The following GPHN variants were observed in gnomAD, a reference collection of about 807,000 sequenced individuals.
GPHN encodes gephyrin.
A neutral mutation model predicts 95.5 loss-of-function variants in GPHN; 17 were observed. The ratio of observed to expected loss-of-function variants is 0.18; its 90% CI spans 0.12 to 0.27. GPHN has a LOEUF of 0.27. Among genes scored for constraint, GPHN ranks in the 10% least tolerant of loss-of-function variants. The pLI is 1.00. For synonymous variants in GPHN, 320 were observed against 322.5 expected (o/e 0.99, Z 0.08); for missense variants, 660 against 978.1 (o/e 0.67, Z 4.34).
intron 1 of GPHN, among the ~76,000 whole-genome samples, chr14:66,604,362 A>G (rs972147268): frequency 6.6e-6 from 1 of 152,146 alleles, no homozygotes; most frequent in African/African-American, 2.4e-5. Flanking sequence ...TGAAAAATAT[A>G]CTATATAGAA....
chr14:66,558,199 C>T (rs1157174755), intron 1 of GPHN, among the ~76,000 whole-genome samples: 2 of 151,976 alleles, frequency 1.3e-5, no homozygotes, highest in South Asian at 4.1e-4. Context: ...GGCTAGTAAG[C>T]GTCAGTGTAT....
chr14:66,880,071 G>C (rs994348438), intron 5 of GPHN, 38 bp downstream of exon 5: 12 of 1,234,694 alleles, frequency 9.7e-6, no homozygotes, highest in Non-Finnish European at 1.4e-5. Context: ...CCATTTGCTA[G>C]GTGAACTGTT....
chr14:67,630,880 G>A, the GPHN span, among the ~76,000 whole-genome samples: 29 of 152,160 alleles, frequency 1.9e-4, no homozygotes, highest in Non-Finnish European at 3.4e-4. Flanking sequence ...ACCGTGCCCC[G>A]CCCATGTAGC....
At chr14:66,871,440 T>G (rs1423068243) in intron 4 of GPHN, among the ~76,000 whole-genome samples, 1 of 152,216 alleles carries the variant, frequency 6.6e-6, no homozygotes, top group Admixed American at 6.5e-5. Flanking sequence ...TCCAAGAAGT[T>G]CCTTTAATAT....
chr14:66,529,130 A>G (rs2058810456), intron 1 of GPHN, among the ~76,000 whole-genome samples: 1 of 152,052 alleles, frequency 6.6e-6, no homozygotes, highest in African/African-American at 2.4e-5. Flanking sequence ...CTTTGTTAAC[A>G]TAGTCCCATA....
intron 13 of GPHN, 151 bp downstream of exon 13, chr14:67,101,062 C>G: frequency 1.5e-6 from 1 of 672,720 alleles, no homozygotes; most frequent in East Asian, 2.8e-5. Flanking sequence ...CCCAGGAGAA[C>G]CAAAAGAATT....
At chr14:67,370,048 AG>A in the GPHN span, among the ~76,000 whole-genome samples, 2 of 152,232 alleles carry the variant, frequency 1.3e-5, no homozygotes, top group East Asian at 1.9e-4. Flanking sequence ...ATTAACTAAA[AG>A]TATCCCTTAT....
chr14:67,511,165 G>T, the GPHN span, among the ~76,000 whole-genome samples: 2 of 152,068 alleles, frequency 1.3e-5, no homozygotes, highest in African/African-American at 4.8e-5. Flanking sequence ...ATGAATGAAT[G>T]GGCCAGCTAG....
intron 1 of GPHN, among the ~76,000 whole-genome samples, chr14:66,650,478 G>A (rs1168073181): frequency 1.3e-5 from 2 of 152,126 alleles, no homozygotes; most frequent in Non-Finnish European, 2.9e-5. Flanking sequence ...TGAACTTTTA[G>A]GAGAGGCTGC....
chr14:67,478,627 C>T, the GPHN span, among the ~76,000 whole-genome samples: 1 of 152,250 alleles, frequency 6.6e-6, no homozygotes, highest in African/African-American at 2.4e-5. Flanking sequence ...CTGGGGACGG[C>T]TGGCAAAGCC....
At chr14:67,224,098 C>T in the GPHN span, 1 of 749,314 alleles carries the variant, frequency 1.3e-6, no homozygotes, top group Non-Finnish European at 1.6e-6. Context: ...TCTCTCAAAC[C>T]TCTCAGCAGT....
rs751948363 is a variant in GPHN, at chr14:67,179,693, C to G, written c.2176+19C>G. 9.8e-6 allele frequency: 12 copies of G among 1,229,398 alleles called. No homozygotes were observed. The highest frequency in any genetic ancestry group is 1.4e-5 in the Non-Finnish European group (12 of 828,352). The allele number at this position is 1,229,398 out of a possible 1,614,324, so 76.2% of individuals were successfully genotyped here. On this transcript the variant is annotated intron_variant, in intron 22 of 22. Transcript: ENST00000478722. Reference sequence around the variant, plus strand: ...AGTACAGGTTAGTCATTCACATCTACAGATATTCCTAGACACCTATCCTGT... The same window carrying G: ...AGTACAGGTTAGTCATTCACATCTAGAGATATTCCTAGACACCTATCCTGT...
rs554154625 is a variant in GPHN, at chr14:66,727,077, C to T, written c.143+45892C>T. ...TTGAATCATGGTGGCTGGTCTCTCC[C>T]ATGCTGTTCTAGTGAAAGTAGATAA... On this transcript the variant is annotated intron_variant, in intron 2 of 22. Transcript: ENST00000478722. Among the ~76,000 whole-genome samples, 194 of 152,228 alleles carry T rather than the reference C, an allele frequency of 1.3e-3. 2 individuals carry two copies. Among genetic ancestry groups the T allele is most frequent in the Admixed American group, 3.7e-3 (57 of 15,288 alleles).
chr14:66,690,720 C>G (rs936261151), intron 2 of GPHN, among the ~76,000 whole-genome samples: 2 of 152,130 alleles, frequency 1.3e-5, no homozygotes, highest in African/African-American at 4.8e-5. Flanking sequence ...CATTTGTTAT[C>G]TCCTTTACTG....
the GPHN span, among the ~76,000 whole-genome samples, chr14:67,388,726 C>CCCTGAT: frequency 6.6e-6 from 1 of 152,154 alleles, no homozygotes; most frequent in Non-Finnish European, 1.5e-5. Flanking sequence ...GTCTTTCAGG[C>CCCTGAT]TGGAGTGCAG....
At chr14:67,319,449 C>CATAA in the GPHN span, among the ~76,000 whole-genome samples, 23 of 152,216 alleles carry the variant, frequency 1.5e-4, no homozygotes, top group African/African-American at 5.3e-4. Flanking sequence ...GTAGAGTAAA[C>CATAA]ATAAATGCAG....
the GPHN span, chr14:67,585,579 G>A: frequency 1.9e-6 from 3 of 1,580,792 alleles, no homozygotes; most frequent in Non-Finnish European, 2.6e-6. Context: ...CTGCCCAGCT[G>A]TCTTCCAAGG....
At chr14:67,234,580 C>T in the GPHN span, among the ~76,000 whole-genome samples, 1 of 152,228 alleles carries the variant, frequency 6.6e-6, no homozygotes, top group African/African-American at 2.4e-5. Context: ...AATAGAGTCT[C>T]ACTCTGTCCC....
the GPHN span, chr14:67,674,401 T>C: frequency 6.2e-7 from 1 of 1,603,210 alleles, no homozygotes. Flanking sequence ...CAGCAGCCGC[T>C]CGGGCACCCC....
Sources: gnomAD v4.1 joint callset for allele counts (sites outside exome capture counted in the v4.1 genomes callset) on GRCh38, gnomAD v4.1.1 for gene constraint, MANE v1.5 for transcripts, NCBI Gene and HGNC (gene_info 2026-07-23, HGNC 2026-07-21) for gene names.